The following KIAA2012 variants were observed in gnomAD, a reference collection of about 807,000 sequenced individuals.
KIAA2012 encodes uncharacterized protein KIAA2012.
Under a neutral mutation model 150.6 loss-of-function variants are expected in KIAA2012, and 125 were observed. The ratio of observed to expected loss-of-function variants is 0.83; its 90% CI spans 0.72 to 0.96. The LOEUF (loss-of-function observed/expected upper bound fraction) is 0.96, where lower values mean the gene tolerates loss of function less well. Among genes scored for constraint, KIAA2012 ranks in the 40% least tolerant of loss-of-function variants. The pLI is 0.00. For missense variants in KIAA2012, 1,219 were observed against 1,354.9 expected, an observed-to-expected ratio of 0.90 and a Z score of 1.57; for synonymous variants, 462 against 504.7, an observed-to-expected ratio of 0.92 and a Z score of 1.13.
intron 2 of KIAA2012, 98 bp downstream of exon 2, chr2:202,075,273 T>G (rs1689302357): frequency 7.5e-7 from 1 of 1,328,236 alleles, no homozygotes; most frequent in Non-Finnish European, 1.0e-6. Context: ...CCGGGGAAGG[T>G]ATGAAACTCT....
At chr2:202,196,186 C>CTTTTTTTT (rs869092899) in intron 21 of KIAA2012, among the ~76,000 whole-genome samples, 7 of 79,702 alleles carry the variant, frequency 8.8e-5, no homozygotes, top group South Asian at 4.0e-4. Context: ...CTTTTCTTTT[C>CTTTTTTTT]TTTTTTTTTT....
rs118150688 is a variant in KIAA2012, at chr2:202,194,194, A to G, written c.3019A>G (p.Arg1007Gly). Reference protein sequence around the residue: ...QQRRTEEIRLRKQRLQEEQQR... With the variant: ...QQRRTEEIRLGKQRLQEEQQR... ...GACCATCTTGGGTTTTCTCAGCTTG[A>G]GGAAACAGAGACTCCAAGAAGAACA... The change falls in exon 21 of 24, where the codon AGG becomes GGG. Residue 1007 changes from arginine (R) to glycine (G), a missense_variant. Transcript: ENST00000498697. The G allele has an allele frequency of 1.9e-4, 294 of 1,550,422 alleles. 2 individuals are homozygous for G. In the East Asian group the frequency reaches 5.8e-3, roughly 31 times the overall value.
rs552148449 is a variant in KIAA2012, at chr2:202,093,032, T to C, written c.532T>C (p.Tyr178His). ...ATATCTCCTGATCTACTCTTCAGGATACATCAAGGATTCTGTGCTACTCCA... is the reference window on the plus strand; with the variant it reads ...ATATCTCCTGATCTACTCTTCAGGACACATCAAGGATTCTGTGCTACTCCA... Reference protein sequence around the residue: ...DAMYRLWCAGYIKDSVLLQDS... With the variant: ...DAMYRLWCAGHIKDSVLLQDS... The change falls in exon 4 of 24, where the codon TAC (tyrosine) becomes CAC (histidine). Residue 178 changes from tyrosine (Y) to histidine (H), a missense_variant and splice_region_variant. Transcript: ENST00000498697. The C allele has an allele frequency of 8.4e-6, 13 of 1,550,140 alleles. No homozygotes were observed. The highest frequency in any genetic ancestry group is 1.1e-5 in the Non-Finnish European group (13 of 1,146,818).
At chr2:202,180,247 G>A (rs1466066892) in intron 15 of KIAA2012, among the ~76,000 whole-genome samples, 1 of 148,476 alleles carries the variant, frequency 6.7e-6, no homozygotes, top group Non-Finnish European at 1.5e-5. Flanking sequence ...GTCCAGCCTA[G>A]GCCAAAAGAG....
intron 14 of KIAA2012, among the ~76,000 whole-genome samples, chr2:202,163,466 TG>T (rs746996758): frequency 2.0e-5 from 3 of 152,178 alleles, no homozygotes; most frequent in Non-Finnish European, 4.4e-5. Flanking sequence ...AACATACAAT[TG>T]AATTGACAGA....
At chr2:202,097,909 G>A (rs575637411) in intron 5 of KIAA2012, among the ~76,000 whole-genome samples, 2 of 152,162 alleles carry the variant, frequency 1.3e-5, no homozygotes, top group South Asian at 4.2e-4. Flanking sequence ...ACTTCTAATG[G>A]GCTCTCTTCT....
chr2:202,106,005 C>A, intron 9 of KIAA2012, 95 bp downstream of exon 9: 2 of 1,547,386 alleles, frequency 1.3e-6, no homozygotes, highest in Non-Finnish European at 1.7e-6. Flanking sequence ...GAAAAGGAGT[C>A]TGGAAGGGAG....
At chr2:202,106,488 C>T (rs933363586) in intron 9 of KIAA2012, among the ~76,000 whole-genome samples, 1 of 152,072 alleles carries the variant, frequency 6.6e-6, no homozygotes, top group Non-Finnish European at 1.5e-5. Context: ...AGGAGTTTGC[C>T]AGCCTGGCCA....
At chr2:202,135,761 A>C (rs1221298571) in intron 12 of KIAA2012, 1 of 154,916 alleles carries the variant, frequency 6.5e-6, no homozygotes, top group Non-Finnish European at 1.4e-5. Flanking sequence ...TCACAACACA[A>C]TTCTGCTGGG....
At chr2:202,197,675 A>G (rs1443906542) in intron 22 of KIAA2012, 1 of 152,358 alleles carries the variant, frequency 6.6e-6, no homozygotes, top group Non-Finnish European at 1.5e-5. Flanking sequence ...AGCCTAGGCA[A>G]CTAAGTGAAA....
chr2:202,108,243 C>T (rs1406107614), intron 9 of KIAA2012, among the ~76,000 whole-genome samples: 1 of 152,168 alleles, frequency 6.6e-6, no homozygotes, highest in Non-Finnish European at 1.5e-5. Flanking sequence ...TATTGCTTAA[C>T]CATCTGAGAG....
intron 12 of KIAA2012, chr2:202,125,892 T>C (rs1690771513): frequency 2.3e-6 from 1 of 439,052 alleles, no homozygotes; most frequent in African/African-American, 2.1e-5. Context: ...CTCCTAAAAA[T>C]AGTCTTTGAT....
chr2:202,154,726 T>C lies in KIAA2012; in HGVS notation c.1962T>C (p.Ser654=), dbSNP rs916502545. The change falls in exon 14 of 24, where the codon AGT becomes AGC. Residue 654 remains serine (S), a synonymous_variant. Transcript: ENST00000498697. ...CTCAGAAGACAGGAGAGCCTCAAAG[T>C]TGTATAAATAAAGCGCTGATATGTT... ...AAAQKTGEPQ[S]CINKALICSN... 6.5e-7 allele frequency: 1 copy of C among 1,550,064 alleles called. No homozygotes were observed.
intron 2 of KIAA2012, among the ~76,000 whole-genome samples, chr2:202,088,969 G>A (rs1240453631): frequency 6.6e-6 from 1 of 152,194 alleles, no homozygotes; most frequent in South Asian, 2.1e-4. Context: ...CTTGAGCCCA[G>A]GGGCTCTGGC....
At position 202,193,322 on chromosome 2, in the gene KIAA2012, C is replaced by T; in HGVS notation, c.2833C>T (p.Gln945Ter). 1 of 1,549,726 alleles carries T rather than the reference C, an allele frequency of 6.5e-7. No homozygotes were observed. The highest frequency in any genetic ancestry group is 1.2e-5 in the South Asian group (1 of 84,014). The change falls in exon 20 of 24, where the codon CAG becomes TAG. Residue 945 changes from glutamine to a stop codon, truncating the protein, a stop_gained. Coordinates refer to ENST00000498697, the MANE Select transcript of KIAA2012 (RefSeq NM_001277372.4). LOFTEE classifies it high-confidence loss of function. ...TTAGGCCCTCCTCACTAAGAGGGAG[C>T]AGGAGAAGGCTTCCTGGGACAGGCT... is the stretch of plus-strand genomic sequence containing the variant. Reference protein sequence around the residue: ...PSKALLTKREQEKASWDRLRA... With the variant: ...PSKALLTKRE
At chr2:202,136,013 T>C in intron 12 of KIAA2012, 1 of 335,402 alleles carries the variant, frequency 3.0e-6, no homozygotes, top group Non-Finnish European at 6.0e-6. Context: ...AAAAATTTTT[T>C]TTGAAACAGA....
At chr2:202,143,465 C>T (rs551687494) in intron 13 of KIAA2012, among the ~76,000 whole-genome samples, 35 of 150,046 alleles carry the variant, frequency 2.3e-4, no homozygotes, top group Middle Eastern at 7.0e-3. Context: ...TGTATCTATT[C>T]GGAAAAGACT....
intron 2 of KIAA2012, among the ~76,000 whole-genome samples, chr2:202,083,276 C>T (rs948596179): frequency 2.6e-5 from 4 of 152,204 alleles, no homozygotes; most frequent in Admixed American, 2.6e-4. Flanking sequence ...AAAGGGCTGG[C>T]TGAGAGCAGC....
At chr2:202,152,352 G>A (rs1380441598) in intron 13 of KIAA2012, among the ~76,000 whole-genome samples, 1 of 152,162 alleles carries the variant, frequency 6.6e-6, no homozygotes, top group Non-Finnish European at 1.5e-5. Flanking sequence ...AGATTTATAG[G>A]TCAAGTGCTT....
Sources: gnomAD v4.1 joint callset for allele counts (sites outside exome capture counted in the v4.1 genomes callset) on GRCh38, gnomAD v4.1.1 for gene constraint, MANE v1.5 for transcripts, NCBI Gene and HGNC (gene_info 2026-07-23, HGNC 2026-07-21) for gene names.